TMEM181: variants seen among roughly 807,000 people sequenced by gnomAD.
TMEM181 encodes G protein-coupled receptor 178.
TMEM181 carries 39 observed loss-of-function variants against 71.9 expected under a neutral mutation model. The observed-to-expected ratio is 0.54, with a 90% CI of 0.42 to 0.71. The LOEUF (loss-of-function observed/expected upper bound fraction) is 0.71, where lower values mean the gene tolerates loss of function less well. Ranked by LOEUF, TMEM181 falls within the 30% of genes least tolerant of loss-of-function variation. The pLI is 0.00. For synonymous variants in TMEM181, 245 were observed against 228.8 expected (o/e 1.07, Z -0.64); for missense variants, 595 against 583.0 (o/e 1.02, Z -0.21).
chr6:158,569,637 G>C (rs1782695486), intron 1 of TMEM181, among the ~76,000 whole-genome samples: 1 of 147,208 alleles, frequency 6.8e-6, no homozygotes, highest in African/African-American at 2.5e-5. Context: ...GTCTTGCTCT[G>C]TCGCCCAGGC....
intron 5 of TMEM181, among the ~76,000 whole-genome samples, chr6:158,586,232 A>T (rs973513887): frequency 6.6e-6 from 1 of 152,258 alleles, no homozygotes; most frequent in African/African-American, 2.4e-5. Flanking sequence ...AAAGAATCAG[A>T]ACCAGATCCC....
rs141799126 is a variant in TMEM181, at chr6:158,542,353, A to G, written c.131+5488A>G. ...GTTACTCCGTTATTGAGTCCTTACT[A>G]TGTACTGAGTACTGGACCAAGTGTT... On this transcript the variant is annotated intron_variant, in intron 1 of 16. Coordinates refer to the TMEM181 transcript ENST00000367090. Among the ~76,000 whole-genome samples, 4 of 152,342 alleles carry G rather than the reference A, an allele frequency of 2.6e-5. No individual in the cohort carries two copies. In the East Asian group the frequency reaches 5.8e-4, roughly 22 times the overall value.
rs764735731 is a variant in TMEM181 at position 158,629,755 on chromosome 6, C to T, written c.1218C>T (p.Gly406=). 1.9e-5 allele frequency: 31 copies of T among 1,612,094 alleles called. 3 individuals carry two copies. The South Asian group carries it at 3.4e-4, about 18-fold the overall frequency. The change falls in exon 15 of 17, where the codon GGC becomes GGT. Residue 406 remains glycine (G), a synonymous_variant. Transcript: ENST00000684151. ...CAGCCGAGTTCTTATCTTTCTATGG[C>T]CTGTTGAACTTCTATCTCTACACCT... is the stretch of plus-strand genomic sequence containing the variant. ...QNSAEFLSFY[G]LLNFYLYTLA...
intron 10 of TMEM181, among the ~76,000 whole-genome samples, chr6:158,617,213 A>G (rs1380015089): frequency 6.6e-6 from 1 of 151,994 alleles, no homozygotes; most frequent in Admixed American, 6.6e-5. Context: ...TCGTCTTGGG[A>G]GAGTGTATGT....
chr6:158,583,030 C>G (rs1783563809), intron 3 of TMEM181, among the ~76,000 whole-genome samples: 1 of 152,038 alleles, frequency 6.6e-6, no homozygotes. Flanking sequence ...ATCAGGACTT[C>G]AAGACCAGTC....
upstream of TMEM181, among the ~76,000 whole-genome samples, chr6:158,558,877 C>G (rs73012180): frequency 0.14 from 21,672 of 152,164 alleles, 1,644 homozygotes; most frequent in Middle Eastern, 0.22. Flanking sequence ...CACCCCTTCC[C>G]GCGCCCCACG....
intron 13 of TMEM181, among the ~76,000 whole-genome samples, chr6:158,627,772 G>C (rs1350153585): frequency 6.6e-6 from 1 of 151,178 alleles, no homozygotes; most frequent in Non-Finnish European, 1.5e-5. Context: ...AGAGGGTCTT[G>C]AGCTGGGAGG....
chr6:158,545,463 C>T (rs1347792285), intron 1 of TMEM181, among the ~76,000 whole-genome samples: 1 of 152,242 alleles, frequency 6.6e-6, no homozygotes, highest in East Asian at 1.9e-4. Flanking sequence ...TCGCCTGCCT[C>T]TGGGAGCAGA....
In TMEM181 at chr6:158,549,951, A is replaced by C. The variant is rs1359749062; in HGVS notation, c.131+13086A>C. Among the ~76,000 whole-genome samples, 12 of 53,956 alleles carry C rather than the reference A, an allele frequency of 2.2e-4. No homozygotes were observed. The South Asian group carries it at 2.8e-3, about 12-fold the overall frequency. 35.4% of individuals were successfully genotyped at this position (53,956 alleles called of 152,430 possible). ...GGCCTTCCCCAACCTATTTGTCAGG[A>C]CTTTTTTTTTTTTTTTTTTTTAACA... On this transcript the variant is annotated intron_variant, in intron 1 of 16. Coordinates refer to the TMEM181 transcript ENST00000367090.
Position 158,580,925 on chromosome 6 carries a change from T to G in TMEM181, c.113-15T>G, listed in dbSNP as rs187748552. The G allele has an allele frequency of 9.5e-5, 151 of 1,585,776 alleles. 2 individuals carry two copies. The East Asian group carries it at 3.2e-3, about 34-fold the overall frequency. Reference sequence around the variant, plus strand: ...TTGCTATAATCTGCTTTTGTCCTTTTCTGTTACACTTTAGGACCTAAAGTG... The same window carrying G: ...TTGCTATAATCTGCTTTTGTCCTTTGCTGTTACACTTTAGGACCTAAAGTG... On this transcript the variant is annotated splice_polypyrimidine_tract_variant and intron_variant, in intron 2 of 16. Coordinates refer to ENST00000684151, the MANE Select transcript of TMEM181 (RefSeq NM_001376852.1).
At chr6:158,567,904 C>CG (rs1423382240) in intron 1 of TMEM181, among the ~76,000 whole-genome samples, 1 of 151,924 alleles carries the variant, frequency 6.6e-6, no homozygotes, top group Non-Finnish European at 1.5e-5. Context: ...GGAAGGATCT[C>CG]GGGGACTTTG....
At chr6:158,629,888 C>G in intron 15 of TMEM181, 69 bp downstream of exon 15, 2 of 1,310,896 alleles carry the variant, frequency 1.5e-6, no homozygotes, top group Non-Finnish European at 2.2e-6. Context: ...ATCCACGACC[C>G]ACTTCCCGGG....
At chr6:158,536,704 G>T (rs772494652) in exon 1 of TMEM181, 1 of 1,543,710 alleles carries the variant, frequency 6.5e-7, no homozygotes, top group Non-Finnish European at 8.7e-7. Context: ...AGGGTGGAGC[G>T]GCGGGACCGG....
At chr6:158,563,402 C>T (rs1044964450) in intron 1 of TMEM181, among the ~76,000 whole-genome samples, 2 of 152,226 alleles carry the variant, frequency 1.3e-5, no homozygotes, top group Admixed American at 1.3e-4. Context: ...CCTCAGCCTC[C>T]CAAAGTGCTG....
rs142473375 is a variant in TMEM181 at position 158,561,173 on chromosome 6, G to GGCT, written c.8+943_8+945dup. ...GCTTTGGATCTTTGCTGATTTCTCT[G>GGCT]GCTGTGGACGTGGTCAGAGAAGTGA... On this transcript the variant is annotated intron_variant, in intron 1 of 16. Transcript: ENST00000684151. 1.8e-3 allele frequency among the ~76,000 whole-genome samples: 281 copies of GGCT among 152,322 alleles called. No homozygotes were observed. The East Asian group carries it at 0.039, about 21-fold the overall frequency.
At position 158,585,305 on chromosome 6, in the gene TMEM181, A is replaced by G; in HGVS notation, c.261A>G (p.Glu87=). Residue 87 remains glutamate (E), a splice_region_variant and synonymous_variant, in exon 5 of 17, where the codon GAA becomes GAG. Coordinates refer to ENST00000684151, the MANE Select transcript of TMEM181 (RefSeq NM_001376852.1). ...ACACTGAATTTTTTTCTTTTGTAGA[A>G]ACTTCTATTAAGACAAGCTTTCCCA... ...TCVVELDQSK[E]TSIKTSFPMT... is the part of the protein sequence containing the mutation. The G allele has an allele frequency of 6.3e-7, 1 of 1,596,430 alleles. No individual in the cohort carries two copies. Among genetic ancestry groups the G allele is most frequent in the Non-Finnish European group, 8.5e-7 (1 of 1,173,522 alleles).
intron 1 of TMEM181, among the ~76,000 whole-genome samples, chr6:158,551,390 T>C (rs6455590): frequency 0.62 from 94,009 of 151,818 alleles, 29,410 homozygotes; most frequent in East Asian, 0.72. Flanking sequence ...TTACTAGAAA[T>C]GTGTTCAAGA....
chr6:158,549,265 G>A (rs551878393), intron 1 of TMEM181, among the ~76,000 whole-genome samples: 16 of 152,010 alleles, frequency 1.1e-4, no homozygotes, highest in African/African-American at 3.9e-4. Context: ...CTACAGGTGC[G>A]CCACTATGCC....
At chr6:158,561,220 C>T (rs1007271577) in intron 1 of TMEM181, among the ~76,000 whole-genome samples, 1 of 152,204 alleles carries the variant, frequency 6.6e-6, no homozygotes, top group African/African-American at 2.4e-5. Context: ...GTTGCCTCAG[C>T]GCAAGTGCCT....
Sources: gnomAD v4.1 joint callset for allele counts (sites outside exome capture counted in the v4.1 genomes callset) on GRCh38, gnomAD v4.1.1 for gene constraint, MANE v1.5 for transcripts, NCBI Gene and HGNC (gene_info 2026-07-23, HGNC 2026-07-21) for gene names.